CDC42SE2: variants seen among roughly 807,000 people sequenced by gnomAD.
CDC42SE2 encodes CDC42 small effector protein 2.
Under a neutral mutation model 11.5 loss-of-function variants are expected in CDC42SE2, and 3 were observed. The observed-to-expected ratio is 0.26, with a 90% CI of 0.12 to 0.67. CDC42SE2 has a LOEUF of 0.67. CDC42SE2 is among the 30% of genes least tolerant of loss of function. The probability of loss-of-function intolerance (pLI) is 0.80; values close to 1 mark genes in which losing one functional copy is unlikely to be tolerated. For synonymous variants in CDC42SE2, 33 were observed against 34.8 expected (o/e 0.95, Z 0.18); for missense variants, 82 against 106.8 (o/e 0.77, Z 1.02).
intron 1 of CDC42SE2, among the ~76,000 whole-genome samples, chr5:131,270,033 C>G (rs142643202): frequency 6.6e-6 from 1 of 151,744 alleles, no homozygotes; most frequent in South Asian, 2.1e-4. Context: ...TCTACTCCAG[C>G]CTGGGCGATG....
At chr5:131,248,219 A>C (rs1223323263) in intron 1 of CDC42SE2, among the ~76,000 whole-genome samples, 1 of 151,982 alleles carries the variant, frequency 6.6e-6, no homozygotes, top group African/African-American at 2.4e-5. Flanking sequence ...AGCTCACTAC[A>C]ACCTCTGCCT....
At chr5:131,231,097 T>C in the CDC42SE2 span, among the ~76,000 whole-genome samples, 1 of 152,246 alleles carries the variant, frequency 6.6e-6, no homozygotes, top group Non-Finnish European at 1.5e-5. Context: ...CTTGCTGTCT[T>C]TGTGTAATTT....
At chr5:131,298,264 G>A (rs1213296159) in intron 1 of CDC42SE2, among the ~76,000 whole-genome samples, 2 of 151,506 alleles carry the variant, frequency 1.3e-5, no homozygotes. Flanking sequence ...CACCATGCCT[G>A]GCTAATTTTT....
Position 131,272,385 on chromosome 5 carries a change from C to T in CDC42SE2, c.-455+8219C>T, listed in dbSNP as rs1269914687. On this transcript the variant is annotated intron_variant, in intron 1 of 4. Transcript: ENST00000505065. ...ACCACAGATTACTTTTAATACCTCT[C>T]GTCAAACCTCTAGCCTCCCTTTTTT... Among the ~76,000 whole-genome samples, 4 of 152,196 alleles carry T rather than the reference C, an allele frequency of 2.6e-5. No homozygotes were observed. The South Asian group carries it at 6.2e-4, about 24-fold the overall frequency.
chr5:131,284,793 A>G (rs1345248204), intron 1 of CDC42SE2, among the ~76,000 whole-genome samples: 2 of 152,140 alleles, frequency 1.3e-5, no homozygotes, highest in Non-Finnish European at 2.9e-5. Context: ...AAATGTTTCT[A>G]TATTTTCCAC....
intron 3 of CDC42SE2, among the ~76,000 whole-genome samples, chr5:131,381,397 C>T (rs11738827): frequency 0.24 from 36,421 of 151,620 alleles, 5,807 homozygotes; most frequent in Non-Finnish European, 0.37. Flanking sequence ...GATCTCGGCT[C>T]ACTGCAACCT....
upstream of CDC42SE2, among the ~76,000 whole-genome samples, chr5:131,259,916 A>G (rs906087609): frequency 6.6e-6 from 1 of 152,252 alleles, no homozygotes; most frequent in African/African-American, 2.4e-5. Context: ...GCCCCTTTAA[A>G]AATGTTCATT....
chr5:131,249,186 T>A (rs906169242), intron 1 of CDC42SE2, among the ~76,000 whole-genome samples: 1 of 151,888 alleles, frequency 6.6e-6, no homozygotes, highest in African/African-American at 2.4e-5. Context: ...CCTGGCTGTT[T>A]TTTGTATTTT....
intron 1 of CDC42SE2, among the ~76,000 whole-genome samples, chr5:131,274,507 A>G (rs1757061134): frequency 6.6e-6 from 1 of 152,228 alleles, no homozygotes; most frequent in South Asian, 2.1e-4. Context: ...TTATTTTAGT[A>G]GTCTCTACAT....
intron 1 of CDC42SE2, among the ~76,000 whole-genome samples, chr5:131,295,558 A>G (rs888804043): frequency 2.0e-5 from 3 of 152,208 alleles, no homozygotes; most frequent in Non-Finnish European, 2.9e-5. Context: ...CACATACATA[A>G]GTATATATAG....
intron 4 of CDC42SE2, among the ~76,000 whole-genome samples, chr5:131,386,213 G>C (rs1334255480): frequency 1.3e-5 from 2 of 152,188 alleles, no homozygotes; most frequent in African/African-American, 2.4e-5. Context: ...CCAAATCCTT[G>C]CATGTGCAGT....
chr5:131,367,219 G>A (rs983020187), intron 3 of CDC42SE2, among the ~76,000 whole-genome samples: 1 of 151,572 alleles, frequency 6.6e-6, no homozygotes, highest in Non-Finnish European at 1.5e-5. Context: ...ACAGATATAA[G>A]CTCCTACCCA....
At chr5:131,352,758 A>G (rs1229296618) in intron 2 of CDC42SE2, among the ~76,000 whole-genome samples, 6 of 152,190 alleles carry the variant, frequency 3.9e-5, no homozygotes, top group South Asian at 4.1e-4. Context: ...ACAGCTATGA[A>G]TAAGGTTTAT....
chr5:131,388,336 A>G (rs1750550054), intron 4 of CDC42SE2, among the ~76,000 whole-genome samples: 1 of 152,204 alleles, frequency 6.6e-6, no homozygotes, highest in Non-Finnish European at 1.5e-5. Context: ...TACTGATTTG[A>G]TGAGCCTGAC....
At chr5:131,314,033 CA>C (rs1168527094) in intron 1 of CDC42SE2, among the ~76,000 whole-genome samples, 1 of 152,010 alleles carries the variant, frequency 6.6e-6, no homozygotes, top group Non-Finnish European at 1.5e-5. Flanking sequence ...GTTTATTCTA[CA>C]AAAAGGTCAG....
intron 1 of CDC42SE2, among the ~76,000 whole-genome samples, chr5:131,315,770 A>G (rs1370974697): frequency 6.6e-6 from 1 of 152,148 alleles, no homozygotes; most frequent in East Asian, 1.9e-4. Flanking sequence ...GGAAGCAACA[A>G]TAAATTTATA....
At chr5:131,379,973 G>T (rs1348462411) in intron 3 of CDC42SE2, among the ~76,000 whole-genome samples, 3 of 152,024 alleles carry the variant, frequency 2.0e-5, no homozygotes, top group South Asian at 4.2e-4. Context: ...GAGTGCAGTG[G>T]TGTGATCTCG....
intron 1 of CDC42SE2, among the ~76,000 whole-genome samples, chr5:131,279,722 A>G (rs1383509614): frequency 6.6e-6 from 1 of 152,036 alleles, no homozygotes; most frequent in Admixed American, 6.6e-5. Flanking sequence ...TTCTTTAAAG[A>G]GACACAAAGT....
intron 3 of CDC42SE2, among the ~76,000 whole-genome samples, chr5:131,384,312 A>G (rs529843713): frequency 1.8e-4 from 27 of 152,344 alleles, no homozygotes; most frequent in Admixed American, 1.4e-3. Flanking sequence ...TTTTGTAGAA[A>G]GTCATGTTTT....
Sources: allele counts gnomAD v4.1 joint callset (sites outside exome capture counted in the v4.1 genomes callset), GRCh38; gene constraint gnomAD v4.1.1; transcripts MANE v1.5; gene names NCBI Gene and HGNC (gene_info 2026-07-23, HGNC 2026-07-21).